Variants in FGD5 observed in about 807,000 individuals in gnomAD.
FGD5 encodes the protein FYVE, RhoGEF and PH domain-containing protein 5.
FGD5 carries 28 observed loss-of-function variants against 133.4 expected under a neutral mutation model. The ratio of observed to expected loss-of-function variants is 0.21; its 90% CI spans 0.16 to 0.29. The LOEUF is 0.29. Among genes scored for constraint, FGD5 ranks in the 10% least tolerant of loss-of-function variants. The pLI, the probability that FGD5 is intolerant of heterozygous loss-of-function variation, is 1.00. For synonymous variants in FGD5, 810 were observed against 776.5 expected, an observed-to-expected ratio of 1.04 and a Z score of -0.72; for missense variants, 1,858 against 1,895.2, an observed-to-expected ratio of 0.98 and a Z score of 0.36.
chr3:14,870,435 C>T (rs1054919782), intron 2 of FGD5, among the ~76,000 whole-genome samples: 8 of 152,204 alleles, frequency 5.3e-5, no homozygotes, highest in South Asian at 2.1e-4. Context: ...GGCTCCCTTC[C>T]GCCGTCCACT....
At chr3:14,875,817 A>T (rs1203832963) in intron 2 of FGD5, among the ~76,000 whole-genome samples, 1 of 151,994 alleles carries the variant, frequency 6.6e-6, no homozygotes, top group Admixed American at 6.6e-5. Context: ...GAGACATCTG[A>T]GGAGGAGGGA....
At chr3:14,834,137 G>T (rs2036771397) in intron 1 of FGD5, among the ~76,000 whole-genome samples, 1 of 152,186 alleles carries the variant, frequency 6.6e-6, no homozygotes, top group Non-Finnish European at 1.5e-5. Context: ...GATTGTCATG[G>T]TGGATAGAAG....
rs143963104 is a variant in FGD5, at chr3:14,848,040, G to A, written c.2526-16088G>A. On this transcript the variant is annotated intron_variant, in intron 1 of 19. Coordinates refer to ENST00000285046, the MANE Select transcript of FGD5 (RefSeq NM_152536.4). ...CCATTGTTGCCGGGCTCTGTCAGCC[G>A]CGGGGTGTGGCCCCAACACTGCCAG... 7.9e-5 allele frequency among the ~76,000 whole-genome samples: 12 copies of A among 152,300 alleles called. No individual in the cohort carries two copies. The East Asian group carries it at 1.2e-3, about 15-fold the overall frequency.
intron 1 of FGD5, among the ~76,000 whole-genome samples, chr3:14,812,001 G>GGTGTGTGTGT (rs10644004): frequency 2.3e-4 from 33 of 145,662 alleles, no homozygotes; most frequent in African/African-American, 5.8e-4. Flanking sequence ...ATATCCTGCT[G>GGTGTGTGTGT]GTGTGTGTGT....
intron 1 of FGD5, among the ~76,000 whole-genome samples, chr3:14,862,415 G>A (rs183646908): frequency 7.4e-4 from 113 of 152,264 alleles, no homozygotes; most frequent in African/African-American, 2.6e-3. Context: ...GAGCTCTGCC[G>A]AACAGGTGAG....
At chr3:14,886,186 C>T (rs990609650) in intron 4 of FGD5, among the ~76,000 whole-genome samples, 3 of 152,208 alleles carry the variant, frequency 2.0e-5, no homozygotes. Flanking sequence ...GCATCTATAT[C>T]CCAGGCAGGA....
At chr3:14,847,378 T>G (rs928746980) in intron 1 of FGD5, among the ~76,000 whole-genome samples, 3 of 152,202 alleles carry the variant, frequency 2.0e-5, no homozygotes, top group Non-Finnish European at 4.4e-5. Flanking sequence ...GGTGAGTTAC[T>G]GGCAGAGCAA....
intron 4 of FGD5, among the ~76,000 whole-genome samples, chr3:14,888,949 A>G (rs2037974147): frequency 6.6e-6 from 1 of 152,250 alleles, no homozygotes; most frequent in Non-Finnish European, 1.5e-5. Flanking sequence ...CTCAGGCGGA[A>G]TGGAGGATGG....
chr3:14,854,194 G>A (rs2037225311), intron 1 of FGD5, among the ~76,000 whole-genome samples: 1 of 151,714 alleles, frequency 6.6e-6, no homozygotes, highest in Admixed American at 6.6e-5. Context: ...CAACATTCTG[G>A]GCTACTTGGT....
chr3:14,868,329 G>T (rs1044606754), intron 2 of FGD5, among the ~76,000 whole-genome samples: 1 of 151,962 alleles, frequency 6.6e-6, no homozygotes, highest in Non-Finnish European at 1.5e-5. Flanking sequence ...CCTGTTTCTG[G>T]AACAGACCCT....
intron 2 of FGD5, among the ~76,000 whole-genome samples, chr3:14,864,994 G>A (rs2037466445): frequency 6.6e-6 from 1 of 152,170 alleles, no homozygotes; most frequent in South Asian, 2.1e-4. Context: ...GCAGGCCTAG[G>A]CATGTGACTG....
chr3:14,862,880 C>G (rs2037425548), intron 1 of FGD5, among the ~76,000 whole-genome samples: 1 of 152,122 alleles, frequency 6.6e-6, no homozygotes, highest in Non-Finnish European at 1.5e-5. Flanking sequence ...GGACCCTGCT[C>G]TGGCCTTGGC....
At chr3:14,889,336 A>G (rs182511176) in intron 4 of FGD5, among the ~76,000 whole-genome samples, 1 of 152,344 alleles carries the variant, frequency 6.6e-6, no homozygotes, top group Non-Finnish European at 1.5e-5. Context: ...CCTGGATGGA[A>G]TGGAATCATA....
At chr3:14,867,292 G>A (rs1012857680) in intron 2 of FGD5, among the ~76,000 whole-genome samples, 2 of 152,178 alleles carry the variant, frequency 1.3e-5, no homozygotes, top group Non-Finnish European at 2.9e-5. Flanking sequence ...TAATATCCCA[G>A]AGGTATTCCC....
chr3:14,813,358 G>T (rs1364338906), intron 1 of FGD5, among the ~76,000 whole-genome samples: 7 of 152,166 alleles, frequency 4.6e-5, no homozygotes, highest in Non-Finnish European at 1.0e-4. Flanking sequence ...TCCTGGTAGT[G>T]CCCTGTCGTG....
intron 4 of FGD5, among the ~76,000 whole-genome samples, chr3:14,890,117 G>A (rs548216589): frequency 2.6e-5 from 4 of 152,136 alleles, no homozygotes; most frequent in African/African-American, 7.2e-5. Context: ...CACACACTCC[G>A]CCTGAACCGT....
chr3:14,907,141 C>T (rs2038356281), intron 9 of FGD5, among the ~76,000 whole-genome samples: 1 of 152,214 alleles, frequency 6.6e-6, no homozygotes, highest in South Asian at 2.1e-4. Flanking sequence ...TTGTGGGGTG[C>T]TGTGCAGAGG....
intron 1 of FGD5, among the ~76,000 whole-genome samples, chr3:14,851,385 C>G (rs564993119): frequency 4.6e-4 from 70 of 152,328 alleles, no homozygotes; most frequent in Non-Finnish European, 8.2e-4. Context: ...AGTGGCAGAA[C>G]TGGGTCTTGG....
At chr3:14,811,195 G>A (rs2036288066) in intron 1 of FGD5, among the ~76,000 whole-genome samples, 1 of 152,110 alleles carries the variant, frequency 6.6e-6, no homozygotes, top group African/African-American at 2.4e-5. Context: ...CGCCCCTTTC[G>A]CAAAAGCGAC....
Sources: gnomAD v4.1 joint callset for allele counts (sites outside exome capture counted in the v4.1 genomes callset) on GRCh38, gnomAD v4.1.1 for gene constraint, MANE v1.5 for transcripts, NCBI Gene and HGNC (gene_info 2026-07-23, HGNC 2026-07-21) for gene names.